The following CDH13 variants were observed in gnomAD, a reference collection of about 807,000 sequenced individuals.
CDH13 encodes cadherin 13.
Under a neutral mutation model 63.8 loss-of-function variants are expected in CDH13, and 24 were observed. The observed-to-expected ratio is 0.38, with a 90% confidence interval of 0.27 to 0.53. The LOEUF is 0.53. CDH13 is among the 20% of genes least tolerant of loss of function. The probability of loss-of-function intolerance (pLI) is 0.85; values close to 1 mark genes in which losing one functional copy is unlikely to be tolerated. For missense variants in CDH13, 1,049 were observed against 903.1 expected (o/e 1.16, Z -2.07); for synonymous variants, 503 against 355.3 (o/e 1.42, Z -4.67).
At chr16:82,861,181 C>G (rs1454626815) in intron 2 of CDH13, among the ~76,000 whole-genome samples, 2 of 152,192 alleles carry the variant, frequency 1.3e-5, no homozygotes, top group Non-Finnish European at 2.9e-5. Context: ...GTTTTAGTCT[C>G]ATATAAATAT....
chr16:83,295,915 C>T (rs2089584412), intron 5 of CDH13, among the ~76,000 whole-genome samples: 5 of 152,236 alleles, frequency 3.3e-5, no homozygotes, highest in Middle Eastern at 3.4e-3. Flanking sequence ...ATGGAATCAA[C>T]CTAAAAATTC....
chr16:83,401,021 G>A (rs141650175), intron 6 of CDH13, among the ~76,000 whole-genome samples: 3 of 152,238 alleles, frequency 2.0e-5, no homozygotes, highest in African/African-American at 7.2e-5. Context: ...TGGCCAACGT[G>A]GTGAAACCCC....
intron 8 of CDH13, among the ~76,000 whole-genome samples, chr16:83,622,609 A>T (rs1909917396): frequency 6.6e-6 from 1 of 152,242 alleles, no homozygotes; most frequent in Admixed American, 6.5e-5. Context: ...TCACTGGAGA[A>T]TTTGGGCAAA....
intron 3 of CDH13, among the ~76,000 whole-genome samples, chr16:83,097,935 T>C (rs1234700264): frequency 6.6e-6 from 1 of 152,122 alleles, no homozygotes; most frequent in East Asian, 1.9e-4. Context: ...TACTCTGTAC[T>C]AGCTTAAAGG....
intron 1 of CDH13, among the ~76,000 whole-genome samples, chr16:82,856,903 G>T (rs993048496): frequency 6.6e-5 from 10 of 152,080 alleles, no homozygotes; most frequent in Non-Finnish European, 2.9e-5. Flanking sequence ...TCTCACCAGA[G>T]GGGTGAGGGA....
intron 7 of CDH13, among the ~76,000 whole-genome samples, chr16:83,507,565 G>C (rs567161667): frequency 6.6e-6 from 1 of 152,128 alleles, no homozygotes; most frequent in Non-Finnish European, 1.5e-5. Flanking sequence ...CCCAGGAAAC[G>C]TTTCCAAAGG....
chr16:83,657,341 C>T (rs1912959230), intron 8 of CDH13, among the ~76,000 whole-genome samples: 1 of 152,134 alleles, frequency 6.6e-6, no homozygotes, highest in African/African-American at 2.4e-5. Context: ...AAGGTGTCCC[C>T]CATAGACCGT....
intron 7 of CDH13, among the ~76,000 whole-genome samples, chr16:83,581,445 C>G (rs114613528): frequency 3.7e-4 from 56 of 152,310 alleles, no homozygotes; most frequent in African/African-American, 1.3e-3. Flanking sequence ...CTGAAAGTTT[C>G]TCCTCCAAAA....
chr16:83,066,287 G>A (rs923367851), intron 3 of CDH13, among the ~76,000 whole-genome samples: 1 of 152,186 alleles, frequency 6.6e-6, no homozygotes, highest in African/African-American at 2.4e-5. Context: ...AGCTTCCTAA[G>A]ACATGAGACT....
At chr16:83,392,095 C>T (rs969947195) in intron 6 of CDH13, among the ~76,000 whole-genome samples, 5 of 152,218 alleles carry the variant, frequency 3.3e-5, no homozygotes, top group Admixed American at 1.3e-4. Flanking sequence ...ATCGCCCCCT[C>T]GCACTTCGAA....
chr16:83,239,120 C>G (rs549338843), intron 5 of CDH13, among the ~76,000 whole-genome samples: 1 of 152,186 alleles, frequency 6.6e-6, no homozygotes, highest in African/African-American at 2.4e-5. Flanking sequence ...TAGCGCCTGT[C>G]TTGTCACACT....
intron 4 of CDH13, among the ~76,000 whole-genome samples, chr16:83,200,965 G>GTGTGTC (rs1555511863): frequency 0.033 from 4,826 of 144,452 alleles, 108 homozygotes; most frequent in South Asian, 0.049. Flanking sequence ...GTGTGTGTGT[G>GTGTGTC]TGTGTGTTAT....
intron 1 of CDH13, among the ~76,000 whole-genome samples, chr16:82,672,994 G>GTTTTCTTTT (rs1913453403): frequency 3.8e-5 from 1 of 26,536 alleles, no homozygotes; most frequent in African/African-American, 1.7e-4. Flanking sequence ...TTTTTATAAA[G>GTTTTCTTTT]TTTTCTTTTT....
intron 8 of CDH13, among the ~76,000 whole-genome samples, chr16:83,668,080 G>T (rs185944025): frequency 9.7e-4 from 148 of 152,320 alleles, no homozygotes; most frequent in Admixed American, 2.4e-3. Context: ...GGGAAGATCA[G>T]TCCATCCCTG....
intron 8 of CDH13, among the ~76,000 whole-genome samples, chr16:83,614,439 T>G (rs1307671128): frequency 6.6e-6 from 1 of 152,246 alleles, no homozygotes; most frequent in Non-Finnish European, 1.5e-5. Flanking sequence ...TCTGGCCTCT[T>G]AGACAGCACC....
At chr16:83,565,395 T>TTTC (rs1205048669) in intron 7 of CDH13, among the ~76,000 whole-genome samples, 1 of 151,038 alleles carries the variant, frequency 6.6e-6, no homozygotes, top group African/African-American at 2.4e-5. Context: ...TTTTTTTTTT[T>TTTC]TTTCTTAGTT....
chr16:82,651,433 T>C (rs1017076317), intron 1 of CDH13, among the ~76,000 whole-genome samples: 7 of 152,230 alleles, frequency 4.6e-5, no homozygotes, highest in African/African-American at 1.7e-4. Context: ...CTCAGGGACT[T>C]GTCTTCTTCA....
chr16:83,014,575 A>T (rs962810858), intron 2 of CDH13, among the ~76,000 whole-genome samples: 1 of 150,300 alleles, frequency 6.7e-6, no homozygotes, highest in Non-Finnish European at 1.5e-5. Flanking sequence ...CTCTACTAAA[A>T]ATAAAAAATT....
chr16:83,701,173 C>T (rs573481594), intron 10 of CDH13, among the ~76,000 whole-genome samples: 1 of 152,270 alleles, frequency 6.6e-6, no homozygotes, highest in African/African-American at 2.4e-5. Context: ...TTTGTCATTA[C>T]TTAATTCTGT....
Sources: gnomAD v4.1 joint callset for allele counts (sites outside exome capture counted in the v4.1 genomes callset) on GRCh38, gnomAD v4.1.1 for gene constraint, MANE v1.5 for transcripts, NCBI Gene and HGNC (gene_info 2026-07-23, HGNC 2026-07-21) for gene names.